Variants in TP63 observed in about 807,000 individuals in gnomAD.
TP63 encodes tumor protein p63, also known as tumor protein 63.
In TP63, 17 loss-of-function variants were observed where a neutral mutation model predicts 82.8. The ratio of observed to expected loss-of-function variants is 0.21; its 90% confidence interval spans 0.14 to 0.31. The LOEUF is 0.31. Ranked by LOEUF, TP63 falls within the 10% of genes least tolerant of loss-of-function variation. The probability of loss-of-function intolerance (pLI) is 1.00; values close to 1 mark genes in which losing one functional copy is unlikely to be tolerated. For missense variants in TP63, 648 were observed against 895.3 expected, an observed-to-expected ratio of 0.72 and a Z score of 3.52; for synonymous variants, 330 against 321.7, an observed-to-expected ratio of 1.03 and a Z score of -0.28.
intron 3 of TP63, among the ~76,000 whole-genome samples, chr3:189,797,302 A>G (rs1261034290): frequency 2.6e-5 from 4 of 152,102 alleles, no homozygotes; most frequent in African/African-American, 4.8e-5. Context: ...TGCTAAAGCC[A>G]CTAATAGGTG....
At chr3:189,823,608 G>A (rs1729024345) in intron 4 of TP63, among the ~76,000 whole-genome samples, 2 of 152,154 alleles carry the variant, frequency 1.3e-5, no homozygotes, top group South Asian at 2.1e-4. Flanking sequence ...TGGAGAGCCA[G>A]AAAAGGAGCC....
At chr3:189,783,730 A>T (rs1328251757) in intron 3 of TP63, among the ~76,000 whole-genome samples, 1 of 151,944 alleles carries the variant, frequency 6.6e-6, no homozygotes. Flanking sequence ...ATTGAAACAC[A>T]TGTAATATCA....
At chr3:189,641,623 C>T (rs1711882912) in intron 1 of TP63, among the ~76,000 whole-genome samples, 1 of 152,082 alleles carries the variant, frequency 6.6e-6, no homozygotes, top group Non-Finnish European at 1.5e-5. Context: ...TAAGTGACTG[C>T]ATCAGTATCT....
intron 4 of TP63, among the ~76,000 whole-genome samples, chr3:189,823,085 T>A (rs1416384729): frequency 6.6e-6 from 1 of 152,194 alleles, no homozygotes; most frequent in East Asian, 1.9e-4. Flanking sequence ...ACAGATTGAC[T>A]GCAATTGACC....
At chr3:189,892,159 G>C (rs1721087767) in intron 13 of TP63, among the ~76,000 whole-genome samples, 2 of 152,310 alleles carry the variant, frequency 1.3e-5, no homozygotes, top group South Asian at 4.1e-4. Context: ...CCCTATATTT[G>C]AGAGAGTCTC....
intron 4 of TP63, among the ~76,000 whole-genome samples, chr3:189,851,448 G>A (rs1254915191): frequency 2.0e-5 from 3 of 152,106 alleles, no homozygotes; most frequent in East Asian, 1.9e-4. Flanking sequence ...AGTGGTGGGC[G>A]CCTGTAATCC....
Position 189,866,742 on chromosome 3 carries a change from T to G in TP63, c.827T>G (p.Val276Gly). ...RVEGNSHAQYVEDPITGRQSV... is the reference protein window; with the variant it reads ...RVEGNSHAQYGEDPITGRQSV... ...GAGGGGAACAGCCATGCCCAGTATG[T>G]AGAAGATCCCATCACAGGAAGACAG... The change falls in exon 6 of 14, where the codon GTA (valine) becomes GGA (glycine). Residue 276 changes from valine to glycine, a missense_variant. Physicochemically the swap from Val to Gly is moderately radical, Grantham distance 109. This residue lies in a region of TP63 where 30 missense variants were observed against 26.4 expected (regional missense o/e 1.14). Transcript: ENST00000264731. The G allele has an allele frequency of 6.2e-7, 1 of 1,614,080 alleles. No homozygotes were observed. Among genetic ancestry groups the G allele is most frequent in the Non-Finnish European group, 8.5e-7 (1 of 1,180,006 alleles).
intron 3 of TP63, among the ~76,000 whole-genome samples, chr3:189,798,209 A>G (rs184787211): frequency 1.3e-5 from 2 of 152,204 alleles, no homozygotes; most frequent in Non-Finnish European, 2.9e-5. Flanking sequence ...GGCTGTTTGT[A>G]ATTGACTTGT....
At chr3:189,711,101 G>A (rs1007312074) in intron 1 of TP63, among the ~76,000 whole-genome samples, 5 of 152,144 alleles carry the variant, frequency 3.3e-5, no homozygotes, top group African/African-American at 1.2e-4. Context: ...ATATGGTAGG[G>A]GTCATCTGTT....
intron 3 of TP63, among the ~76,000 whole-genome samples, chr3:189,768,195 G>A (rs1723088887): frequency 6.6e-6 from 1 of 152,072 alleles, no homozygotes; most frequent in Non-Finnish European, 1.5e-5. Flanking sequence ...TATGACTATG[G>A]TGAAAACTAA....
chr3:189,736,232 G>A (rs1031197009), intron 1 of TP63, among the ~76,000 whole-genome samples: 4 of 150,812 alleles, frequency 2.7e-5, no homozygotes, highest in Admixed American at 1.3e-4. Flanking sequence ...CTCACCATAA[G>A]TACAGACATA....
chr3:189,848,218 GCCTCCT>G (rs367994163), intron 4 of TP63, among the ~76,000 whole-genome samples: 2 of 105,386 alleles, frequency 1.9e-5, no homozygotes, highest in Non-Finnish European at 4.0e-5. Flanking sequence ...TCCTCCCTCT[GCCTCCT>G]CCTCCTCCTC....
At chr3:189,601,355 C>T in the TP63 span, among the ~76,000 whole-genome samples, 3 of 152,142 alleles carry the variant, frequency 2.0e-5, no homozygotes, top group Non-Finnish European at 4.4e-5. Flanking sequence ...GGCATTTCCT[C>T]ATATGCCAGT....
chr3:189,875,606 A>ATT (rs2108826742), intron 10 of TP63, among the ~76,000 whole-genome samples: 1 of 62,014 alleles, frequency 1.6e-5, no homozygotes, highest in Admixed American at 1.4e-4. Context: ...ATATATATAT[A>ATT]TATATATATA....
At chr3:189,855,241 C>T (rs976856417) in intron 4 of TP63, among the ~76,000 whole-genome samples, 2 of 151,984 alleles carry the variant, frequency 1.3e-5, no homozygotes, top group Non-Finnish European at 2.9e-5. Flanking sequence ...TTAAAAGGAC[C>T]CACCAATTTC....
Position 189,723,941 on chromosome 3 carries a change from G to T in TP63, c.63-13799G>T, listed in dbSNP as rs75835165. ...TACCATGGGGAACTTTATTTTCTGG[G>T]TTGTGTTATCACACCAAAATCCTCA... On this transcript the variant is annotated intron_variant, in intron 1 of 13. Coordinates refer to ENST00000264731, the MANE Select transcript of TP63 (RefSeq NM_003722.5). Among the ~76,000 whole-genome samples the T allele has an allele frequency of 7.2e-4, 109 of 151,556 alleles. 1 individual carries two copies. In the East Asian group the frequency reaches 0.014, roughly 20 times the overall value.
chr3:189,726,379 TCCA>T (rs1719779834), intron 1 of TP63, among the ~76,000 whole-genome samples: 1 of 152,156 alleles, frequency 6.6e-6, no homozygotes, highest in South Asian at 2.1e-4. Context: ...TTGGTAGCAT[TCCA>T]CCATTAACCT....
rs1266601767 is a variant in TP63, at chr3:189,808,479, G to T, written c.532G>T (p.Asp178Tyr). ...NTDYPGPHSF[D>Y]VSFQQSSTAK... ...CGACTACCCAGGCCCGCACAGTTTCGACGTGTCCTTCCAGCAGTCGAGCAC... is the reference window on the plus strand; with the variant it reads ...CGACTACCCAGGCCCGCACAGTTTCTACGTGTCCTTCCAGCAGTCGAGCAC... Residue 178 changes from aspartate (D) to tyrosine (Y), a missense_variant, in exon 4 of 14, where the codon GAC (aspartate) becomes TAC (tyrosine). Physicochemically the swap from Asp to Tyr is radical, Grantham distance 160. This residue lies in a region of TP63 where 64 missense variants were observed against 144.2 expected (regional missense o/e 0.44). Coordinates refer to ENST00000264731, the MANE Select transcript of TP63 (RefSeq NM_003722.5). 6.2e-7 allele frequency: 1 copy of T among 1,614,074 alleles called. No individual in the cohort carries two copies. Among genetic ancestry groups the T allele is most frequent in the South Asian group, 1.1e-5 (1 of 91,080 alleles).
intron 3 of TP63, among the ~76,000 whole-genome samples, chr3:189,802,142 G>A (rs1423833423): frequency 6.6e-6 from 1 of 152,176 alleles, no homozygotes. Flanking sequence ...TCTCCCTTAG[G>A]CAGTGCTTGT....
Sources: gnomAD v4.1 joint callset for allele counts (sites outside exome capture counted in the v4.1 genomes callset) on GRCh38, gnomAD v4.1.1 for gene constraint, gnomAD v4.1.1 regional missense constraint, MANE v1.5 for transcripts, NCBI Gene and HGNC (gene_info 2026-07-23, HGNC 2026-07-21) for gene names.